Variants in KCNH8 observed in about 807,000 individuals in gnomAD.
The protein encoded by KCNH8 is voltage-gated delayed rectifier potassium channel KCNH8.
In KCNH8, 70 loss-of-function variants were observed where a neutral mutation model predicts 103.6. That is an observed-to-expected ratio of 0.68 (90% CI 0.56 to 0.82). KCNH8 has a LOEUF of 0.82. KCNH8 is among the 40% of genes least tolerant of loss of function. The pLI, the probability that KCNH8 is intolerant of heterozygous loss-of-function variation, is 0.00. For missense variants in KCNH8, 1,217 were observed against 1,329.9 expected (o/e 0.92, Z 1.32); for synonymous variants, 498 against 489.4 (o/e 1.02, Z -0.23).
rs188757078 is a variant in KCNH8 at position 19,459,374 on chromosome 3, T to C, written c.2040+2392T>C. 1.9e-3 allele frequency among the ~76,000 whole-genome samples: 292 copies of C among 152,190 alleles called. 1 individual carries two copies. The highest frequency in any genetic ancestry group is 6.8e-3 in the African/African-American group (281 of 41,572). ...TTCATATAACTGTTGGCCTTTTGTATGTCTTTTCCTGAGAAAAGTTCATTC... is the reference window on the plus strand; with the variant it reads ...TTCATATAACTGTTGGCCTTTTGTACGTCTTTTCCTGAGAAAAGTTCATTC... On this transcript the variant is annotated intron_variant, in intron 11 of 15. Transcript: ENST00000328405.
intron 1 of KCNH8, among the ~76,000 whole-genome samples, chr3:19,211,015 A>G (rs1480859955): frequency 1.3e-5 from 2 of 152,150 alleles, no homozygotes; most frequent in East Asian, 3.8e-4. Flanking sequence ...GCCTTCATCT[A>G]GGTTGTTTCA....
At chr3:19,275,520 C>A (rs2064656812) in intron 2 of KCNH8, among the ~76,000 whole-genome samples, 1 of 152,090 alleles carries the variant, frequency 6.6e-6, no homozygotes, top group Non-Finnish European at 1.5e-5. Flanking sequence ...GAGGACTGAG[C>A]AAAGACTTGC....
At chr3:19,240,042 C>T (rs1401010055) in intron 1 of KCNH8, among the ~76,000 whole-genome samples, 1 of 152,104 alleles carries the variant, frequency 6.6e-6, no homozygotes, top group East Asian at 1.9e-4. Flanking sequence ...TACTGCAGAT[C>T]ATATTTAAAC....
intron 1 of KCNH8, among the ~76,000 whole-genome samples, chr3:19,197,010 AGG>A: frequency 6.6e-6 from 1 of 152,084 alleles, no homozygotes; most frequent in South Asian, 2.1e-4. Flanking sequence ...AAGAAGTGAT[AGG>A]TAAAACAGGG....
intron 5 of KCNH8, among the ~76,000 whole-genome samples, chr3:19,376,303 G>A (rs2066201162): frequency 1.3e-5 from 2 of 152,196 alleles, no homozygotes; most frequent in Admixed American, 6.5e-5. Flanking sequence ...ATCTCGTGGT[G>A]CGCCATTTTT....
At chr3:19,523,192 C>T (rs1039249692) in intron 15 of KCNH8, among the ~76,000 whole-genome samples, 1 of 151,808 alleles carries the variant, frequency 6.6e-6, no homozygotes, top group African/African-American at 2.4e-5. Flanking sequence ...TTAGGAATGA[C>T]TGTGTTTGCA....
intron 3 of KCNH8, among the ~76,000 whole-genome samples, chr3:19,290,702 A>T (rs1478097009): frequency 6.6e-6 from 1 of 152,100 alleles, no homozygotes; most frequent in Non-Finnish European, 1.5e-5. Context: ...ATTGGTCTAA[A>T]ATTCTCTTTT....
At chr3:19,299,854 CATT>C (rs1203854209) in intron 3 of KCNH8, among the ~76,000 whole-genome samples, 6 of 151,690 alleles carry the variant, frequency 4.0e-5, no homozygotes, top group Non-Finnish European at 7.4e-5. Flanking sequence ...TATTAGAAAA[CATT>C]ATTATTTTAA....
At chr3:19,490,766 G>T (rs564305667) in intron 11 of KCNH8, among the ~76,000 whole-genome samples, 2 of 152,328 alleles carry the variant, frequency 1.3e-5, no homozygotes, top group African/African-American at 4.8e-5. Context: ...TCTAAAGTGA[G>T]AGAGTTGGAC....
intron 2 of KCNH8, among the ~76,000 whole-genome samples, chr3:19,256,669 A>C (rs2064350625): frequency 6.6e-6 from 1 of 152,088 alleles, no homozygotes; most frequent in African/African-American, 2.4e-5. Flanking sequence ...TGTCAGGACC[A>C]AACAATGGAG....
intron 11 of KCNH8, among the ~76,000 whole-genome samples, chr3:19,481,182 A>C (rs1159976412): frequency 6.6e-6 from 1 of 152,136 alleles, no homozygotes; most frequent in Non-Finnish European, 1.5e-5. Context: ...GTTTATTTAT[A>C]TAAATTTATG....
chr3:19,441,295 G>T (rs184454931), intron 8 of KCNH8, among the ~76,000 whole-genome samples: 11 of 152,156 alleles, frequency 7.2e-5, no homozygotes, highest in Admixed American at 7.2e-4. Flanking sequence ...CAGCCCTAAG[G>T]GTTAAGCCTT....
At chr3:19,319,275 T>G (rs1444600524) in intron 3 of KCNH8, among the ~76,000 whole-genome samples, 1 of 152,118 alleles carries the variant, frequency 6.6e-6, no homozygotes, top group Admixed American at 6.6e-5. Context: ...TGGTGTTATC[T>G]TCTAGAATCT....
At chr3:19,187,794 G>T (rs2063516548) in intron 1 of KCNH8, among the ~76,000 whole-genome samples, 1 of 151,920 alleles carries the variant, frequency 6.6e-6, no homozygotes, top group Non-Finnish European at 1.5e-5. Context: ...TAATGTAATA[G>T]TTTTCCAGAT....
At chr3:19,466,703 G>C (rs751753217) in intron 11 of KCNH8, among the ~76,000 whole-genome samples, 3 of 111,742 alleles carry the variant, frequency 2.7e-5, no homozygotes, top group Non-Finnish European at 5.0e-5. Flanking sequence ...CGCTCTTGCC[G>C]CCCAGGCTGG....
At chr3:19,213,811 T>G (rs2063792675) in intron 1 of KCNH8, among the ~76,000 whole-genome samples, 1 of 152,188 alleles carries the variant, frequency 6.6e-6, no homozygotes, top group South Asian at 2.1e-4. Flanking sequence ...TTGCAGGCTT[T>G]TTCAGAATGG....
chr3:19,183,801 G>T (rs2063478260), intron 1 of KCNH8, among the ~76,000 whole-genome samples: 1 of 152,064 alleles, frequency 6.6e-6, no homozygotes, highest in African/African-American at 2.4e-5. Context: ...AATTCACAGA[G>T]GAGGAAACTC....
At chr3:19,472,749 C>A (rs569560695) in intron 11 of KCNH8, among the ~76,000 whole-genome samples, 2 of 152,146 alleles carry the variant, frequency 1.3e-5, no homozygotes, top group Non-Finnish European at 2.9e-5. Flanking sequence ...TACATACCTA[C>A]GTTAATCAGA....
chr3:19,517,907 C>A, intron 14 of KCNH8, 91 bp from the exon 15 acceptor site: 2 of 1,001,382 alleles, frequency 2.0e-6, no homozygotes, highest in South Asian at 1.4e-5. Context: ...AAAGTGATAG[C>A]GTGGACTTTC....
Sources: gnomAD v4.1 joint callset for allele counts (sites outside exome capture counted in the v4.1 genomes callset) on GRCh38, gnomAD v4.1.1 for gene constraint, MANE v1.5 for transcripts, NCBI Gene and HGNC (gene_info 2026-07-23, HGNC 2026-07-21) for gene names.